PMS1: variants seen among roughly 807,000 people sequenced by gnomAD.
The protein encoded by PMS1 is PMS1 homolog 1, mismatch repair system component.
In PMS1, 79 loss-of-function variants were observed where a neutral mutation model predicts 93.1. The ratio of observed to expected loss-of-function variants is 0.85; its 90% CI spans 0.71 to 1.02. The LOEUF (loss-of-function observed/expected upper bound fraction) is 1.02, where lower values mean the gene tolerates loss of function less well. PMS1 is among the 50% of genes least tolerant of loss of function. PMS1 has a pLI of 0.00. For synonymous variants in PMS1, 335 were observed against 363.4 expected (o/e 0.92, Z 0.89); for missense variants, 1,064 against 1,085.3 (o/e 0.98, Z 0.28).
intron 10 of PMS1, among the ~76,000 whole-genome samples, chr2:189,867,448 A>G (rs2056761916): frequency 6.6e-6 from 1 of 152,220 alleles, no homozygotes; most frequent in Non-Finnish European, 1.5e-5. Context: ...AAAATTTGGC[A>G]GGGTGGACCA....
intron 6 of PMS1, among the ~76,000 whole-genome samples, chr2:189,845,469 A>G (rs1184465804): frequency 6.6e-6 from 1 of 152,036 alleles, no homozygotes; most frequent in East Asian, 1.9e-4. Flanking sequence ...GGGATTTTCA[A>G]AAGTTTTTTT....
At chr2:189,803,400 T>A (rs1390684351) in intron 3 of PMS1, among the ~76,000 whole-genome samples, 4 of 152,214 alleles carry the variant, frequency 2.6e-5, no homozygotes, top group Non-Finnish European at 5.9e-5. Flanking sequence ...TTTTAATAAC[T>A]GATAACTAAT....
At chr2:189,866,379 G>T (rs1354215735) in intron 10 of PMS1, among the ~76,000 whole-genome samples, 2 of 152,036 alleles carry the variant, frequency 1.3e-5, no homozygotes, top group African/African-American at 4.8e-5. Flanking sequence ...TCTTAATTGA[G>T]CATAAACAGG....
At chr2:189,815,096 CAAAAA>C in intron 4 of PMS1, among the ~76,000 whole-genome samples, 1 of 61,580 alleles carries the variant, frequency 1.6e-5, no homozygotes. Context: ...GACTCCATCT[CAAAAA>C]AAAAAAAAAA....
intron 5 of PMS1, among the ~76,000 whole-genome samples, chr2:189,835,945 CTTG>C (rs2053347835): frequency 6.8e-6 from 1 of 146,816 alleles, no homozygotes; most frequent in African/African-American, 2.6e-5. Context: ...GGTGCTGCTT[CTTG>C]TTTGGTGGAA....
chr2:189,811,842 G>C (rs1279675544), intron 4 of PMS1, among the ~76,000 whole-genome samples: 1 of 152,080 alleles, frequency 6.6e-6, no homozygotes, highest in Non-Finnish European at 1.5e-5. Context: ...CTTTTTTAGA[G>C]ATTCATAAAA....
In PMS1 at chr2:189,877,589, C is replaced by T. The variant is rs926844644; in HGVS notation, c.*153C>T. 1.0e-4 allele frequency: 63 copies of T among 607,664 alleles called. No individual in the cohort carries two copies. The highest frequency in any genetic ancestry group is 1.6e-4 in the Non-Finnish European group (56 of 344,762). 37.6% of individuals were successfully genotyped at this position (607,664 alleles called of 1,614,324 possible). On this transcript the variant is annotated 3_prime_UTR_variant, in exon 13 of 13. Transcript: ENST00000441310. ...TGTTTTTATATTGAAAAAAGTTCCA[C>T]GTATTGTAGAAAACGTAAATAAACT...
At chr2:189,838,846 G>A (rs908628472) in intron 5 of PMS1, among the ~76,000 whole-genome samples, 1 of 152,210 alleles carries the variant, frequency 6.6e-6, no homozygotes, top group Admixed American at 6.5e-5. Flanking sequence ...GGAAGAGAAA[G>A]CTGTAGCATG....
chr2:189,846,654 C>T (rs895274715), intron 6 of PMS1, among the ~76,000 whole-genome samples: 6 of 152,030 alleles, frequency 3.9e-5, no homozygotes, highest in Admixed American at 2.0e-4. Context: ...ACTCCAGCCT[C>T]GGCCAGAAAG....
chr2:189,792,147 G>C (rs370264306), intron 2 of PMS1, among the ~76,000 whole-genome samples: 1 of 152,042 alleles, frequency 6.6e-6, no homozygotes, highest in Non-Finnish European at 1.5e-5. Flanking sequence ...AAATATAAAA[G>C]AAAACATGTT....
intron 5 of PMS1, among the ~76,000 whole-genome samples, chr2:189,825,047 C>T (rs1319686491): frequency 6.6e-6 from 1 of 151,998 alleles, no homozygotes; most frequent in Non-Finnish European, 1.5e-5. Flanking sequence ...GCATTAGAGA[C>T]AAACAATCAT....
chr2:189,848,693 G>T (rs1483441817), intron 6 of PMS1, among the ~76,000 whole-genome samples: 1 of 152,116 alleles, frequency 6.6e-6, no homozygotes, highest in South Asian at 2.1e-4. Flanking sequence ...TCCATGGGCT[G>T]TCAGAATGAT....
At chr2:189,864,433 G>A in intron 10 of PMS1, 39 of 491,078 alleles carry the variant, frequency 7.9e-5, no homozygotes, top group Non-Finnish European at 1.4e-4. Context: ...CAAGGTGGGT[G>A]GATCACGAGG....
rs1311369552 is a variant in PMS1 at position 189,867,786 on chromosome 2, A to G, written c.2343-13A>G. The stretch of plus-strand genomic sequence containing the variant: ...GTTTTTAATAAGTTAAAGGGCCATA[A>G]TTTCTTTTTCAGTCTTTTTAATGGA... On this transcript the variant is annotated splice_polypyrimidine_tract_variant and intron_variant, in intron 10 of 12. Coordinates refer to ENST00000441310, the MANE Select transcript of PMS1 (RefSeq NM_000534.5). 3.9e-6 allele frequency: 6 copies of G among 1,557,014 alleles called. No homozygotes were observed. The highest frequency in any genetic ancestry group is 4.4e-6 in the Non-Finnish European group (5 of 1,129,006).
intron 4 of PMS1, chr2:189,806,015 T>G: frequency 8.6e-7 from 1 of 1,160,814 alleles, no homozygotes; most frequent in Non-Finnish European, 1.2e-6. Flanking sequence ...CTAAGAGTAT[T>G]TATTTTACCA....
chr2:189,814,444 C>A (rs972761896), intron 4 of PMS1, among the ~76,000 whole-genome samples: 1 of 151,992 alleles, frequency 6.6e-6, no homozygotes, highest in South Asian at 2.1e-4. Context: ...AAAATCTTTT[C>A]CCCCCAATCT....
chr2:189,787,954 G>T (rs1484252576), intron 1 of PMS1, among the ~76,000 whole-genome samples: 1 of 152,078 alleles, frequency 6.6e-6, no homozygotes, highest in Non-Finnish European at 1.5e-5. Flanking sequence ...ACCAGAGGAT[G>T]CAATGGGATG....
intron 12 of PMS1, among the ~76,000 whole-genome samples, chr2:189,875,704 G>C (rs1486102826): frequency 1.3e-5 from 2 of 152,100 alleles, no homozygotes; most frequent in African/African-American, 4.8e-5. Context: ...TGTAATCCCA[G>C]CACTTTGGGA....
chr2:189,787,482 T>C (rs1345104236), intron 1 of PMS1, among the ~76,000 whole-genome samples: 1 of 152,234 alleles, frequency 6.6e-6, no homozygotes, highest in Non-Finnish European at 1.5e-5. Context: ...GGTTTAATTA[T>C]ACAATTTAAT....
Sources: gnomAD v4.1 joint callset for allele counts (sites outside exome capture counted in the v4.1 genomes callset) on GRCh38, gnomAD v4.1.1 for gene constraint, MANE v1.5 for transcripts, NCBI Gene and HGNC (gene_info 2026-07-23, HGNC 2026-07-21) for gene names.